Variants in COL4A4 observed in about 807,000 individuals in gnomAD.
The protein encoded by COL4A4 is collagen type IV alpha 4 chain.
A neutral mutation model predicts 192.9 loss-of-function variants in COL4A4; 105 were observed. The ratio of observed to expected loss-of-function variants is 0.54; its 90% CI spans 0.46 to 0.64. The LOEUF (loss-of-function observed/expected upper bound fraction) is 0.64, where lower values mean the gene tolerates loss of function less well. COL4A4 is among the 30% of genes least tolerant of loss of function. The pLI is 0.00. For synonymous variants in COL4A4, 762 were observed against 769.9 expected, an observed-to-expected ratio of 0.99 and a Z score of 0.17; for missense variants, 1,967 against 2,169.3, an observed-to-expected ratio of 0.91 and a Z score of 1.85.
At chr2:226,977,717 C>A in the COL4A4 span, among the ~76,000 whole-genome samples, 2 of 152,140 alleles carry the variant, frequency 1.3e-5, no homozygotes, top group Non-Finnish European at 2.9e-5. Context: ...TATCAGGCTG[C>A]AAATATGTCA....
intron 5 of COL4A4, chr2:227,120,801 TGG>T (rs1276730166): frequency 8.0e-5 from 45 of 565,762 alleles, no homozygotes; most frequent in Non-Finnish European, 1.3e-4. Context: ...TAGCTGGACA[TGG>T]TGGTATGTGC....
intron 7 of COL4A4, among the ~76,000 whole-genome samples, chr2:227,115,922 C>T (rs1576626067): frequency 6.6e-6 from 1 of 152,208 alleles, no homozygotes; most frequent in East Asian, 1.9e-4. Flanking sequence ...AACTTCATTG[C>T]TATCCTCTCA....
chr2:226,982,786 GCACC>G, the COL4A4 span, among the ~76,000 whole-genome samples: 1 of 152,164 alleles, frequency 6.6e-6, no homozygotes, highest in Non-Finnish European at 1.5e-5. Context: ...CATTTATGAT[GCACC>G]CACTATGTAC....
At chr2:227,047,665 G>T (rs1165747060) in intron 34 of COL4A4, 116 bp from the exon 35 acceptor site, 8 of 684,198 alleles carry the variant, frequency 1.2e-5, no homozygotes, top group Non-Finnish European at 2.1e-5. Flanking sequence ...TTAGGAGAGT[G>T]TTTTTAAATA....
chr2:226,984,255 A>G, the COL4A4 span, among the ~76,000 whole-genome samples: 7 of 152,204 alleles, frequency 4.6e-5, no homozygotes, highest in Non-Finnish European at 1.0e-4. Flanking sequence ...ACAAAATACT[A>G]CCATGGACCC....
Position 227,005,105 on chromosome 2 carries a change from G to C in COL4A4, c.*2220C>G, listed in dbSNP as rs1169798147. On this transcript the variant is annotated 3_prime_UTR_variant, in exon 48 of 48. Coordinates refer to ENST00000396625, the MANE Select transcript of COL4A4 (RefSeq NM_000092.5). Reference sequence around the variant, plus strand: ...GAGGGCAGTGTTAATGCTGCATTTAGAGACAGCTCTTGTAATACTAACATT... The same window carrying C: ...GAGGGCAGTGTTAATGCTGCATTTACAGACAGCTCTTGTAATACTAACATT... 1 of 152,074 alleles carries C rather than the reference G, an allele frequency of 6.6e-6. No homozygotes were observed. The highest frequency in any genetic ancestry group is 1.5e-5 in the Non-Finnish European group (1 of 68,014). The allele number at this position is 152,074 out of a possible 1,614,324, so 9.4% of individuals were successfully genotyped here.
In COL4A4 at chr2:227,052,318, G is replaced by A. The variant is rs1974293391; in HGVS notation, c.2955C>T (p.Phe985=). 6.3e-7 allele frequency: 1 copy of A among 1,592,824 alleles called. No homozygotes were observed. The highest frequency in any genetic ancestry group is 1.3e-5 in the African/African-American group (1 of 74,438). The stretch of plus-strand genomic sequence containing the variant: ...TTAAGTGTTTACCTCTTTCTCCTGG[G>A]AATCCATCATCTCCAGGAGGTCCAG... ...GEPGPPGDDG[F]PGERGDKGTP... is the part of the protein sequence containing the mutation. Residue 985 remains phenylalanine (F), a synonymous_variant, in exon 32 of 48, where the codon TTC becomes TTT. Coordinates refer to ENST00000396625, the MANE Select transcript of COL4A4 (RefSeq NM_000092.5).
At chr2:227,019,825 G>A (rs770616212) in intron 44 of COL4A4, among the ~76,000 whole-genome samples, 2 of 152,130 alleles carry the variant, frequency 1.3e-5, no homozygotes, top group African/African-American at 2.4e-5. Flanking sequence ...CTGCCACCAC[G>A]CTCAGCTAAT....
intron 1 of COL4A4, among the ~76,000 whole-genome samples, chr2:227,148,989 C>T (rs2063739636): frequency 6.6e-6 from 1 of 151,794 alleles, no homozygotes; most frequent in African/African-American, 2.4e-5. Context: ...TGCCACCACA[C>T]CCGGCTAATT....
At chr2:227,017,636 C>T (rs1965179625) in intron 44 of COL4A4, among the ~76,000 whole-genome samples, 1 of 152,184 alleles carries the variant, frequency 6.6e-6, no homozygotes, top group African/African-American at 2.4e-5. Flanking sequence ...TGTAGAAGAG[C>T]ATTAGGCCTC....
chr2:227,153,993 C>T (rs904002604), intron 1 of COL4A4, among the ~76,000 whole-genome samples: 6 of 152,136 alleles, frequency 3.9e-5, no homozygotes. Context: ...AGCTCCACCA[C>T]CACAAGAAGC....
chr2:227,099,892 T>C (rs1436465064), intron 17 of COL4A4, among the ~76,000 whole-genome samples: 2 of 152,104 alleles, frequency 1.3e-5, no homozygotes, highest in Non-Finnish European at 2.9e-5. Flanking sequence ...TGGAAGTAAA[T>C]AGCAAGTCAC....
rs918067165 is a variant in COL4A4 at position 227,077,952 on chromosome 2, G to C, written c.1929C>G (p.His643Gln). ...CACCTGGGTGGCCTGGAACTCCTGG[G>C]TGGCCTCGCTCTCCTGGTGGACCAG... ...GFPGPPGERGHPGVPGHPGVR... is the reference protein window; with the variant it reads ...GFPGPPGERGQPGVPGHPGVR... The change falls in exon 25 of 48, where the codon CAC becomes CAG. Residue 643 changes from histidine (H) to glutamine (Q), a missense_variant. Physicochemically the swap from His to Gln is conservative, Grantham distance 24. Transcript: ENST00000396625. 6.2e-7 allele frequency: 1 copy of C among 1,613,728 alleles called. No individual in the cohort carries two copies. Among genetic ancestry groups the C allele is most frequent in the Non-Finnish European group, 8.5e-7 (1 of 1,180,012 alleles).
intron 25 of COL4A4, among the ~76,000 whole-genome samples, chr2:227,071,223 A>G (rs2058703527): frequency 6.6e-6 from 1 of 152,178 alleles, no homozygotes; most frequent in Admixed American, 6.6e-5. Context: ...CCATGCAGAT[A>G]GAAACCAAAG....
intron 1 of COL4A4, among the ~76,000 whole-genome samples, chr2:227,155,044 G>A (rs569830568): frequency 5.3e-5 from 8 of 152,330 alleles, no homozygotes; most frequent in African/African-American, 1.9e-4. Context: ...GTGGTCCATG[G>A]ACCACCGGAA....
chr2:227,074,708 A>C (rs908258258), intron 25 of COL4A4, among the ~76,000 whole-genome samples: 6 of 152,214 alleles, frequency 3.9e-5, no homozygotes, highest in African/African-American at 1.4e-4. Context: ...AAAACATGGA[A>C]TACTACTCAG....
intron 19 of COL4A4, among the ~76,000 whole-genome samples, chr2:227,097,525 T>C (rs2060267190): frequency 6.6e-6 from 1 of 152,210 alleles, no homozygotes; most frequent in Non-Finnish European, 1.5e-5. Context: ...TTAAGAGGTT[T>C]CCTGGGTTTG....
the COL4A4 span, among the ~76,000 whole-genome samples, chr2:226,983,949 G>A: frequency 4.6e-5 from 7 of 152,206 alleles, no homozygotes; most frequent in African/African-American, 1.7e-4. Context: ...ATGGTGTGGG[G>A]GATCTTGTTA....
chr2:226,985,806 C>A, the COL4A4 span, among the ~76,000 whole-genome samples: 1 of 152,246 alleles, frequency 6.6e-6, no homozygotes, highest in Non-Finnish European at 1.5e-5. Flanking sequence ...TGATTCCAGA[C>A]CACTATATCC....
Sources: gnomAD v4.1 joint callset for allele counts (sites outside exome capture counted in the v4.1 genomes callset) on GRCh38, gnomAD v4.1.1 for gene constraint, MANE v1.5 for transcripts, NCBI Gene and HGNC (gene_info 2026-07-23, HGNC 2026-07-21) for gene names.